Variants in ABLIM3 observed in about 807,000 individuals in gnomAD.
ABLIM3 encodes the protein actin-binding LIM protein 3.
A neutral mutation model predicts 109.5 loss-of-function variants in ABLIM3; 61 were observed. The observed-to-expected ratio is 0.56, with a 90% CI of 0.45 to 0.69. The LOEUF (loss-of-function observed/expected upper bound fraction) is 0.69. Ranked by LOEUF, ABLIM3 falls within the 30% of genes least tolerant of loss-of-function variation. The probability of loss-of-function intolerance (pLI) is 0.00; values close to 1 mark genes in which losing one functional copy is unlikely to be tolerated. For synonymous variants in ABLIM3, 300 were observed against 324.8 expected, an observed-to-expected ratio of 0.92 and a Z score of 0.82; for missense variants, 796 against 889.5, an observed-to-expected ratio of 0.89 and a Z score of 1.34.
chr5:149,226,026 A>C (rs1471123190), intron 8 of ABLIM3, among the ~76,000 whole-genome samples: 7 of 112,320 alleles, frequency 6.2e-5, no homozygotes, highest in South Asian at 2.9e-4. Flanking sequence ...ATATATATAT[A>C]TCACAGTTTC....
chr5:149,142,805 C>T (rs1164515022), intron 2 of ABLIM3, among the ~76,000 whole-genome samples: 1 of 152,156 alleles, frequency 6.6e-6, no homozygotes, highest in Non-Finnish European at 1.5e-5. Flanking sequence ...GCCTCAGCTA[C>T]TGAGAATGCA....
chr5:149,258,243 T>G, intron 23 of ABLIM3, 48 bp from the exon 24 acceptor site: 1 of 1,564,766 alleles, frequency 6.4e-7, no homozygotes, highest in South Asian at 1.1e-5. Context: ...ATCCTCATGC[T>G]GCTCTCTTTC....
At chr5:149,200,938 C>T (rs531829696) in intron 5 of ABLIM3, among the ~76,000 whole-genome samples, 36 of 152,300 alleles carry the variant, frequency 2.4e-4, no homozygotes, top group Admixed American at 1.6e-3. Flanking sequence ...TCTGGGCTCA[C>T]CCTGCACCTC....
Position 149,191,469 on chromosome 5 carries a change from G to A in ABLIM3, c.152-6750G>A, listed in dbSNP as rs76438154. Among the ~76,000 whole-genome samples, 32 of 152,246 alleles carry A rather than the reference G, an allele frequency of 2.1e-4. No homozygotes were observed. The East Asian group carries it at 6.0e-3, about 28-fold the overall frequency. Reference sequence around the variant, plus strand: ...TCTTCTACGAAAGAAACAAAAATCAGCATTGGAATCAAGTTCTACAAAACA... The same window carrying A: ...TCTTCTACGAAAGAAACAAAAATCAACATTGGAATCAAGTTCTACAAAACA... On this transcript the variant is annotated intron_variant, in intron 3 of 23. Transcript: ENST00000309868.
intron 5 of ABLIM3, among the ~76,000 whole-genome samples, chr5:149,202,974 C>T (rs951193756): frequency 4.6e-5 from 7 of 151,944 alleles, no homozygotes; most frequent in Non-Finnish European, 1.0e-4. Flanking sequence ...GCACCACCAC[C>T]GCCATCACCA....
At chr5:149,237,888 C>T (rs1212058215) in intron 11 of ABLIM3, among the ~76,000 whole-genome samples, 1 of 152,154 alleles carries the variant, frequency 6.6e-6, no homozygotes, top group African/African-American at 2.4e-5. Context: ...TCCCCCCAGT[C>T]CCCCGACTCC....
chr5:149,188,097 G>A (rs1757145380), intron 3 of ABLIM3, among the ~76,000 whole-genome samples: 1 of 152,122 alleles, frequency 6.6e-6, no homozygotes, highest in Admixed American at 6.5e-5. Context: ...TTCCCTGTAA[G>A]ATCAAAAACA....
Position 149,200,366 on chromosome 5 carries a change from T to C in ABLIM3, c.386T>C (p.Val129Ala), listed in dbSNP as rs750375674. ...GTGACCTTCAGCGGTAAAGAATGTG[T>C]GTGCCAAACGTGCTCCCAGTCCATG... is the stretch of plus-strand genomic sequence containing the variant. ...DKVTFSGKEC[V>A]CQTCSQSMAS... The change falls in exon 5 of 24, where the codon GTG (valine) becomes GCG (alanine). Residue 129 changes from valine to alanine, a missense_variant. Val to Ala is a moderately conservative substitution (Grantham distance 64, BLOSUM62 0). Coordinates refer to ENST00000309868, the MANE Select transcript of ABLIM3 (RefSeq NM_014945.5). 6.2e-7 allele frequency: 1 copy of C among 1,614,226 alleles called. No homozygotes were observed. Among genetic ancestry groups the C allele is most frequent in the Non-Finnish European group, 8.5e-7 (1 of 1,180,036 alleles).
intron 2 of ABLIM3, among the ~76,000 whole-genome samples, chr5:149,153,639 G>A (rs1471286883): frequency 2.4e-4 from 37 of 152,226 alleles, no homozygotes; most frequent in Admixed American, 2.4e-3. Flanking sequence ...CCAGAAATGA[G>A]TGACCGGAAC....
chr5:149,238,582 CAA>C (rs935354556), intron 11 of ABLIM3, among the ~76,000 whole-genome samples: 2 of 152,256 alleles, frequency 1.3e-5, no homozygotes, highest in Admixed American at 1.3e-4. Flanking sequence ...GTTTCACTCA[CAA>C]AGTGTCTTTT....
At chr5:149,148,597 C>T (rs760812696) in intron 2 of ABLIM3, among the ~76,000 whole-genome samples, 2 of 152,148 alleles carry the variant, frequency 1.3e-5, no homozygotes, top group African/African-American at 4.8e-5. Flanking sequence ...CCCCCTTCAG[C>T]GATCGGCCGC....
chr5:149,239,765 T>TACGAGAACCTGG lies in ABLIM3; in HGVS notation c.1084_1095dup (p.Glu362_Asp365dup). The TACGAGAACCTGG allele has an allele frequency of 6.2e-7, 1 of 1,603,920 alleles. No homozygotes were observed. Among genetic ancestry groups the TACGAGAACCTGG allele is most frequent in the Non-Finnish European group, 8.5e-7 (1 of 1,175,316 alleles). On this transcript the variant is annotated inframe_insertion, in exon 13 of 24. Transcript: ENST00000309868. ...GCCCCATTTCCTCTCCCAGGACATC[T>TACGAGAACCTGG]ACGAGAACCTGGACCTCCGGCAGAG...
chr5:149,196,164 T>C (rs1757958145), intron 3 of ABLIM3, among the ~76,000 whole-genome samples: 1 of 152,172 alleles, frequency 6.6e-6, no homozygotes, highest in African/African-American at 2.4e-5. Flanking sequence ...CCTCATGCAG[T>C]GACTTCTGAA....
At position 149,245,030 on chromosome 5, in the gene ABLIM3, G is replaced by A. The variant is rs372969321; in HGVS notation, c.1486+15G>A. 6.9e-5 allele frequency: 112 copies of A among 1,614,030 alleles called. No individual in the cohort carries two copies. Among genetic ancestry groups the A allele is most frequent in the Middle Eastern group, 1.6e-4 (1 of 6,078 alleles). On this transcript the variant is annotated intron_variant, in intron 16 of 23. Transcript: ENST00000309868. ...GTCCCCCAAAGGTAGTACCCCCATA[G>A]GAGCCTGGGTCCAGGGCCCTAACAC...
At chr5:149,151,168 C>T (rs1753399248) in intron 2 of ABLIM3, among the ~76,000 whole-genome samples, 1 of 152,150 alleles carries the variant, frequency 6.6e-6, no homozygotes, top group South Asian at 2.1e-4. Flanking sequence ...AATGTCTACT[C>T]GAGGCCTCTC....
chr5:149,259,119 C>A lies in ABLIM3; in HGVS notation c.*715C>A. 7.9e-6 allele frequency: 8 copies of A among 1,015,774 alleles called. No individual in the cohort carries two copies. The highest frequency in any genetic ancestry group is 9.4e-6 in the Non-Finnish European group (8 of 848,654). The allele number at this position is 1,015,774 out of a possible 1,614,324, so 62.9% of individuals were successfully genotyped here. A position where few individuals can be genotyped will look rare whatever the true frequency, so the allele number is the denominator to read the frequency against. ...CCTTCCCTCCACCACTTCCAACTGG[C>A]CCCTTTGCCTGACCTGGACTTGGAG... On this transcript the variant is annotated 3_prime_UTR_variant, in exon 24 of 24. Coordinates refer to ENST00000309868, the MANE Select transcript of ABLIM3 (RefSeq NM_014945.5).
chr5:149,178,689 A>G (rs1244759324), intron 2 of ABLIM3, among the ~76,000 whole-genome samples: 1 of 152,204 alleles, frequency 6.6e-6, no homozygotes, highest in Admixed American at 6.5e-5. Flanking sequence ...ATAGGAGAGG[A>G]ATCGTGTCAT....
At chr5:149,214,780 G>C (rs1759888721) in intron 7 of ABLIM3, among the ~76,000 whole-genome samples, 1 of 152,168 alleles carries the variant, frequency 6.6e-6, no homozygotes, top group African/African-American at 2.4e-5. Context: ...CTCAATGGCT[G>C]TCAGTGTCAC....
At chr5:149,171,539 C>A (rs1755426852) in intron 2 of ABLIM3, among the ~76,000 whole-genome samples, 1 of 152,220 alleles carries the variant, frequency 6.6e-6, no homozygotes, top group African/African-American at 2.4e-5. Context: ...GAATCCAGAT[C>A]TGACAGGTTC....
Sources: allele counts gnomAD v4.1 joint callset (sites outside exome capture counted in the v4.1 genomes callset), GRCh38; gene constraint gnomAD v4.1.1; transcripts MANE v1.5; gene names NCBI Gene and HGNC (gene_info 2026-07-23, HGNC 2026-07-21).